Variants in MLIP observed in about 807,000 individuals in gnomAD.
The protein encoded by MLIP is muscular LMNA-interacting protein.
A neutral mutation model predicts 84.8 loss-of-function variants in MLIP; 79 were observed. The observed-to-expected ratio is 0.93, with a 90% confidence interval of 0.78 to 1.12. The LOEUF (loss-of-function observed/expected upper bound fraction) is 1.12. Ranked by LOEUF, MLIP falls within the 50% of genes most tolerant of loss-of-function variation. The pLI is 0.00. For synonymous variants in MLIP, 504 were observed against 463.0 expected, an observed-to-expected ratio of 1.09 and a Z score of -1.14; for missense variants, 1,257 against 1,160.6, an observed-to-expected ratio of 1.08 and a Z score of -1.21.
chr6:54,217,439 G>A, intron 11 of MLIP: 1 of 985,374 alleles, frequency 1.0e-6, no homozygotes, highest in Non-Finnish European at 1.2e-6. Flanking sequence ...AGCACCAAAT[G>A]CATCAGATAT....
intron 1 of MLIP, among the ~76,000 whole-genome samples, chr6:54,055,437 T>A (rs910462103): frequency 1.2e-4 from 19 of 152,348 alleles, no homozygotes; most frequent in African/African-American, 4.6e-4. Flanking sequence ...CAAAATATCT[T>A]ATTTTATGGA....
At chr6:54,047,792 T>C (rs1054639548) in intron 1 of MLIP, among the ~76,000 whole-genome samples, 1 of 152,250 alleles carries the variant, frequency 6.6e-6, no homozygotes, top group Non-Finnish European at 1.5e-5. Context: ...GCTATGCACA[T>C]AGATTGCATT....
chr6:54,257,854 G>A (rs1195460144), intron 13 of MLIP, among the ~76,000 whole-genome samples: 1 of 151,998 alleles, frequency 6.6e-6, no homozygotes, highest in Non-Finnish European at 1.5e-5. Flanking sequence ...TTAGACAAAG[G>A]CATATCAGCT....
At chr6:54,165,554 G>A (rs75803315) in intron 8 of MLIP, among the ~76,000 whole-genome samples, 11,420 of 151,982 alleles carry the variant, frequency 0.075, 593 homozygotes, top group East Asian at 0.22. Context: ...GAAAGCAGGT[G>A]TAGAATACGT....
chr6:54,072,488 T>A (rs1216283616), intron 1 of MLIP, among the ~76,000 whole-genome samples: 1 of 152,164 alleles, frequency 6.6e-6, no homozygotes, highest in Non-Finnish European at 1.5e-5. Context: ...AGAGGAATCC[T>A]CCCACTGAAC....
intron 4 of MLIP, among the ~76,000 whole-genome samples, chr6:54,146,361 A>T (rs968521623): frequency 1.3e-5 from 2 of 152,248 alleles, no homozygotes; most frequent in Non-Finnish European, 2.9e-5. Flanking sequence ...ACATCTATTA[A>T]ACGCTTTTTA....
chr6:54,205,420 G>A (rs1715692757), intron 11 of MLIP, among the ~76,000 whole-genome samples: 1 of 152,196 alleles, frequency 6.6e-6, no homozygotes, highest in African/African-American at 2.4e-5. Flanking sequence ...AATCTGCCTT[G>A]TACTGGGGAC....
chr6:54,054,673 T>C (rs1765551628), intron 1 of MLIP, among the ~76,000 whole-genome samples: 1 of 152,222 alleles, frequency 6.6e-6, no homozygotes, highest in South Asian at 2.1e-4. Flanking sequence ...TGCTTTTGAA[T>C]GGTAAGTAGA....
At chr6:54,104,634 T>G (rs934867410) in intron 1 of MLIP, among the ~76,000 whole-genome samples, 7 of 152,212 alleles carry the variant, frequency 4.6e-5, no homozygotes, top group Non-Finnish European at 8.8e-5. Flanking sequence ...GAACGTCTCC[T>G]GATCTTCATC....
intron 1 of MLIP, among the ~76,000 whole-genome samples, chr6:54,071,808 A>T (rs972312096): frequency 6.6e-6 from 1 of 152,178 alleles, no homozygotes; most frequent in Admixed American, 6.5e-5. Context: ...AGGAAAAAAG[A>T]GAGAGAAATG....
chr6:54,187,319 A>T (rs1388326890), intron 9 of MLIP, among the ~76,000 whole-genome samples: 1 of 152,202 alleles, frequency 6.6e-6, no homozygotes, highest in Non-Finnish European at 1.5e-5. Context: ...ATAGAAAATA[A>T]AAAGCACACA....
chr6:54,197,999 A>G (rs899489940), intron 10 of MLIP, among the ~76,000 whole-genome samples: 1 of 152,134 alleles, frequency 6.6e-6, no homozygotes, highest in African/African-American at 2.4e-5. Context: ...TTAATAAAGC[A>G]TAGTCTGTTT....
chr6:54,037,298 T>C (rs922992405), intron 1 of MLIP, among the ~76,000 whole-genome samples: 2 of 152,036 alleles, frequency 1.3e-5, no homozygotes, highest in Non-Finnish European at 2.9e-5. Flanking sequence ...GTATCTGAAC[T>C]CTTGCTAATC....
chr6:54,229,464 A>T (rs6939568), intron 11 of MLIP, among the ~76,000 whole-genome samples: 127,718 of 152,158 alleles, frequency 0.84, 54,082 homozygotes, highest in East Asian at 0.98. Context: ...GGTCAGCACA[A>T]CACCTAGGTG....
chr6:54,195,202 C>T (rs1009595299), intron 10 of MLIP, among the ~76,000 whole-genome samples: 3 of 151,940 alleles, frequency 2.0e-5, no homozygotes. Flanking sequence ...CTCTTTGAGC[C>T]CATAAAATTA....
chr6:54,113,991 A>G (rs913673263), intron 1 of MLIP, among the ~76,000 whole-genome samples: 3 of 152,208 alleles, frequency 2.0e-5, no homozygotes, highest in Non-Finnish European at 4.4e-5. Context: ...AAATTGCCTC[A>G]CTGTTCCTGG....
upstream of MLIP, among the ~76,000 whole-genome samples, chr6:54,109,705 G>C (rs562550517): frequency 7.9e-5 from 12 of 151,984 alleles, no homozygotes; most frequent in Admixed American, 5.2e-4. Context: ...CTCTGTCTTT[G>C]CTACTCAAAG....
intron 1 of MLIP, among the ~76,000 whole-genome samples, chr6:54,060,760 G>A (rs756254367): frequency 9.2e-5 from 14 of 152,114 alleles, no homozygotes; most frequent in Non-Finnish European, 1.9e-4. Context: ...TTAGCAGAAA[G>A]GGAGTTAGAA....
At chr6:54,261,095 A>G (rs1204576070) in intron 13 of MLIP, among the ~76,000 whole-genome samples, 1 of 152,072 alleles carries the variant, frequency 6.6e-6, no homozygotes, top group Non-Finnish European at 1.5e-5. Flanking sequence ...CAGGCAGAGC[A>G]TACTCGTTGA....
Sources: allele counts gnomAD v4.1 joint callset (sites outside exome capture counted in the v4.1 genomes callset), GRCh38; gene constraint gnomAD v4.1.1; transcripts MANE v1.5; gene names NCBI Gene and HGNC (gene_info 2026-07-23, HGNC 2026-07-21).